RALYL: variants seen among roughly 807,000 people sequenced by gnomAD.
The protein encoded by RALYL is RNA-binding Raly-like protein.
Under a neutral mutation model 35.1 loss-of-function variants are expected in RALYL, and 29 were observed. That is an observed-to-expected ratio of 0.83 (90% CI 0.61 to 1.13). The LOEUF (loss-of-function observed/expected upper bound fraction) is 1.13. Ranked by LOEUF, RALYL falls within the 50% of genes most tolerant of loss-of-function variation. RALYL has a pLI of 0.00. For missense variants in RALYL, 359 were observed against 360.4 expected (o/e 1.00, Z 0.03); for synonymous variants, 120 against 127.6 (o/e 0.94, Z 0.40).
intron 2 of RALYL, among the ~76,000 whole-genome samples, chr8:84,630,785 G>T (rs1038721441): frequency 2.0e-5 from 3 of 152,028 alleles, no homozygotes; most frequent in African/African-American, 7.2e-5. Flanking sequence ...ATCTGTGAAG[G>T]AGAGTAGAAA....
intron 4 of RALYL, among the ~76,000 whole-genome samples, chr8:84,824,279 C>T (rs1247025752): frequency 1.3e-5 from 2 of 149,104 alleles, no homozygotes; most frequent in Non-Finnish European, 3.0e-5. Flanking sequence ...AAAAATAAGT[C>T]AGTAAACAAA....
At chr8:84,293,636 C>A (rs1308515438) in intron 1 of RALYL, among the ~76,000 whole-genome samples, 1 of 152,154 alleles carries the variant, frequency 6.6e-6, no homozygotes, top group Admixed American at 6.6e-5. Flanking sequence ...CTTTCTAAAT[C>A]ATTTTGAGTA....
At chr8:84,819,889 A>G (rs1828142370) in intron 4 of RALYL, among the ~76,000 whole-genome samples, 2 of 152,194 alleles carry the variant, frequency 1.3e-5, no homozygotes, top group Non-Finnish European at 1.5e-5. Context: ...TAATTTGTTC[A>G]TATAATAAAG....
At chr8:84,550,708 C>A (rs1299635349) in intron 2 of RALYL, among the ~76,000 whole-genome samples, 1 of 151,562 alleles carries the variant, frequency 6.6e-6, no homozygotes, top group Non-Finnish European at 1.5e-5. Flanking sequence ...CAGAGTATAG[C>A]CATTATGAAC....
chr8:84,312,383 C>T (rs184052466), intron 1 of RALYL, among the ~76,000 whole-genome samples: 324 of 152,290 alleles, frequency 2.1e-3, no homozygotes, highest in Non-Finnish European at 2.7e-3. Context: ...GTCATGCCTT[C>T]CCAACAGTCC....
At chr8:84,254,407 G>T (rs1413453867) in intron 1 of RALYL, among the ~76,000 whole-genome samples, 3 of 152,220 alleles carry the variant, frequency 2.0e-5, no homozygotes, top group Non-Finnish European at 2.9e-5. Flanking sequence ...GGAAAGTAAA[G>T]ATGAAATTTT....
chr8:84,867,090 G>A (rs1173166792), intron 6 of RALYL, among the ~76,000 whole-genome samples: 1 of 152,122 alleles, frequency 6.6e-6, no homozygotes, highest in African/African-American at 2.4e-5. Context: ...TGGCTGTGAG[G>A]TAAGGATCTG....
chr8:84,723,620 A>G (rs1844404757), intron 2 of RALYL, among the ~76,000 whole-genome samples: 1 of 151,936 alleles, frequency 6.6e-6, no homozygotes, highest in African/African-American at 2.4e-5. Flanking sequence ...GTGTCTTTCC[A>G]TCTTTCTTCT....
At chr8:84,864,852 C>T in intron 6 of RALYL, 1 of 521,516 alleles carries the variant, frequency 1.9e-6, no homozygotes, top group South Asian at 1.9e-5. Flanking sequence ...CCAGAGAGTA[C>T]CCAGAAACAA....
At chr8:84,618,216 T>G (rs1167370267) in intron 2 of RALYL, among the ~76,000 whole-genome samples, 2 of 151,740 alleles carry the variant, frequency 1.3e-5, no homozygotes, top group Non-Finnish European at 2.9e-5. Context: ...GTGAATCCAT[T>G]TGGTCCTGGA....
chr8:84,289,605 T>A (rs570954229), intron 1 of RALYL, among the ~76,000 whole-genome samples: 1 of 152,118 alleles, frequency 6.6e-6, no homozygotes, highest in African/African-American at 2.4e-5. Flanking sequence ...TGTGCCAACA[T>A]GAGATTGTTA....
chr8:84,641,294 A>G (rs1826263225), intron 2 of RALYL, among the ~76,000 whole-genome samples: 1 of 151,692 alleles, frequency 6.6e-6, no homozygotes, highest in Non-Finnish European at 1.5e-5. Context: ...AACTTACAGA[A>G]TTATATATTA....
chr8:84,438,925 A>C (rs1370149910), intron 1 of RALYL, among the ~76,000 whole-genome samples: 2 of 147,102 alleles, frequency 1.4e-5, no homozygotes, highest in East Asian at 4.0e-4. Flanking sequence ...GTTCCCTATT[A>C]TGTTCCCTTG....
chr8:84,426,471 TGTGG>T (rs2046466220), intron 1 of RALYL, among the ~76,000 whole-genome samples: 2 of 147,728 alleles, frequency 1.4e-5, no homozygotes, highest in South Asian at 2.4e-4. Context: ...TGTGTGTGTG[TGTGG>T]GTTTAGATTT....
chr8:84,889,456 C>T (rs1843457396), intron 8 of RALYL, among the ~76,000 whole-genome samples: 1 of 152,178 alleles, frequency 6.6e-6, no homozygotes, highest in African/African-American at 2.4e-5. Context: ...TTACCACTTG[C>T]TCATTATCAG....
At chr8:84,893,307 G>A (rs1438388797) in intron 8 of RALYL, among the ~76,000 whole-genome samples, 1 of 152,060 alleles carries the variant, frequency 6.6e-6, no homozygotes, top group Non-Finnish European at 1.5e-5. Flanking sequence ...ATTATACATA[G>A]GTAGGTAAAG....
chr8:84,365,760 G>A (rs1854115875), intron 1 of RALYL, among the ~76,000 whole-genome samples: 1 of 152,152 alleles, frequency 6.6e-6, no homozygotes, highest in Non-Finnish European at 1.5e-5. Flanking sequence ...CTCAGAAAAT[G>A]AATTTTTTAG....
At chr8:84,894,563 T>C (rs1170675903) in intron 8 of RALYL, among the ~76,000 whole-genome samples, 3 of 152,176 alleles carry the variant, frequency 2.0e-5, no homozygotes, top group Non-Finnish European at 4.4e-5. Context: ...CCATGGTGAA[T>C]GTGTCCTGCA....
At chr8:84,188,797 T>C (rs907334350) in intron 1 of RALYL, among the ~76,000 whole-genome samples, 2 of 152,182 alleles carry the variant, frequency 1.3e-5, no homozygotes, top group East Asian at 3.8e-4. Context: ...TCATTGCTTT[T>C]AGATTTTCAA....
Sources: allele counts gnomAD v4.1 joint callset (sites outside exome capture counted in the v4.1 genomes callset), GRCh38; gene constraint gnomAD v4.1.1; transcripts MANE v1.5; gene names NCBI Gene and HGNC (gene_info 2026-07-23, HGNC 2026-07-21).